Variants in MYO5C observed in about 807,000 individuals in gnomAD.
MYO5C encodes myosin VC.
MYO5C carries 194 observed loss-of-function variants against 235.7 expected under a neutral mutation model. The ratio of observed to expected loss-of-function variants is 0.82; its 90% CI spans 0.73 to 0.93. The LOEUF is 0.93. MYO5C is among the 40% of genes least tolerant of loss of function. MYO5C has a pLI of 0.00. For synonymous variants in MYO5C, 707 were observed against 754.8 expected (o/e 0.94, Z 1.04); for missense variants, 2,038 against 2,127.2 (o/e 0.96, Z 0.82).
Position 52,213,247 on chromosome 15 carries a change from A to G in MYO5C, c.4082T>C (p.Leu1361Pro), listed in dbSNP as rs779732101. ...VHSSSGPKEYLGMLQYKREDE... is the reference protein window; with the variant it reads ...VHSSSGPKEYPGMLQYKREDE... ...TTCTCTCTTGTATTGCAGCATTCCA[A>G]GGTACTCCTTGGGTCCTGAGGACGA... Residue 1361 changes from leucine to proline, a missense_variant, in exon 34 of 41, where the codon CTT becomes CCT. Coordinates refer to ENST00000261839, the MANE Select transcript of MYO5C (RefSeq NM_018728.4). 1.9e-6 allele frequency: 3 copies of G among 1,614,100 alleles called. No homozygotes were observed. The East Asian group carries it at 6.7e-5, about 36-fold the overall frequency.
Position 52,218,632 on chromosome 15 carries a change from T to C in MYO5C, c.3841A>G (p.Lys1281Glu). The change falls in exon 32 of 41, where the codon AAG (lysine) becomes GAG (glutamate). Residue 1281 changes from lysine (K) to glutamate (E), a missense_variant. Physicochemically the swap from Lys to Glu is moderately conservative, Grantham distance 56. Coordinates refer to ENST00000261839, the MANE Select transcript of MYO5C (RefSeq NM_018728.4). The stretch of plus-strand genomic sequence containing the variant: ...CTGGCCTCCTGCATTTCTTGAATCT[T>C]ATCAATCAGCTTCTCCTTCTCTTTG... ...HTKEKEKLID[K>E]IQEMQEASDH... 1 of 1,614,228 alleles carries C rather than the reference T, an allele frequency of 6.2e-7. No individual in the cohort carries two copies. The highest frequency in any genetic ancestry group is 1.1e-5 in the South Asian group (1 of 91,078).
rs751957836 is a variant in MYO5C, at chr15:52,225,439, C to G, written c.3301G>C (p.Glu1101Gln). 6.2e-7 allele frequency: 1 copy of G among 1,607,578 alleles called. No homozygotes were observed. ...HVQSQKREMR[E>Q]KMSEITKQLL... ...ACTAAGAGACTCATATTTTTATTAC[C>G]TCTCATTTCCCGTTTTTGTGACTGC... The change falls in exon 26 of 41, where the codon GAA (glutamate) becomes CAA (glutamine). Residue 1101 changes from glutamate (E) to glutamine (Q), a missense_variant and splice_region_variant. By Grantham distance (29) the Glu-to-Gln change is conservative. Coordinates refer to ENST00000261839, the MANE Select transcript of MYO5C (RefSeq NM_018728.4).
At chr15:52,214,254 C>G (rs914513790) in intron 33 of MYO5C, among the ~76,000 whole-genome samples, 1 of 152,180 alleles carries the variant, frequency 6.6e-6, no homozygotes, top group Non-Finnish European at 1.5e-5. Flanking sequence ...TGGATACTTA[C>G]TGATCCTACA....
At chr15:52,266,742 G>T (rs902352627) in intron 8 of MYO5C, among the ~76,000 whole-genome samples, 1 of 152,296 alleles carries the variant, frequency 6.6e-6, no homozygotes, top group South Asian at 2.1e-4. Flanking sequence ...GACCCACAGC[G>T]TTCATGAGGC....
intron 1 of MYO5C, among the ~76,000 whole-genome samples, chr15:52,289,340 ACAC>A (rs1486908196): frequency 6.6e-6 from 1 of 152,100 alleles, no homozygotes; most frequent in Non-Finnish European, 1.5e-5. Flanking sequence ...CTGGAGCTCT[ACAC>A]CACATTTCCA....
intron 29 of MYO5C, 114 bp downstream of exon 29, chr15:52,223,429 TG>T: frequency 9.8e-7 from 1 of 1,022,208 alleles, no homozygotes; most frequent in Non-Finnish European, 1.4e-6. Flanking sequence ...ATTTCACTTC[TG>T]GAAAAAGTAA....
chr15:52,252,303 C>A (rs1043956119), intron 12 of MYO5C, among the ~76,000 whole-genome samples: 5 of 152,110 alleles, frequency 3.3e-5, no homozygotes, highest in Non-Finnish European at 7.4e-5. Flanking sequence ...AAGACTGGCA[C>A]CTGAATAGAG....
At chr15:52,219,867 C>G in intron 30 of MYO5C, 45 bp from the exon 31 acceptor site, 1 of 1,448,636 alleles carries the variant, frequency 6.9e-7, no homozygotes, top group African/African-American at 1.4e-5. Flanking sequence ...GCACATATCA[C>G]TGCATTCTGA....
intron 1 of MYO5C, among the ~76,000 whole-genome samples, chr15:52,292,018 C>A (rs1044415059): frequency 1.3e-5 from 2 of 152,078 alleles, no homozygotes; most frequent in Admixed American, 6.6e-5. Flanking sequence ...GGATTACAGG[C>A]GTGAGCCACC....
intron 23 of MYO5C, among the ~76,000 whole-genome samples, chr15:52,233,740 AAC>A (rs2036019851): frequency 6.6e-6 from 1 of 152,180 alleles, no homozygotes. Context: ...CCACATTCCC[AAC>A]ACACCCATAT....
At position 52,242,150 on chromosome 15, in the gene MYO5C, G is replaced by A. The variant is rs1289911468; in HGVS notation, c.2454C>T (p.Cys818=). ...ACAGGCTGCGAACAAGATACCCGCG[G>A]CAGTGCTTCTGAATGATTATGGCTG... ...AWAAIIIQKH[C]RGYLVRSLYQ... The change falls in exon 20 of 41, where the codon TGC becomes TGT. Residue 818 remains cysteine, a synonymous_variant. Coordinates refer to ENST00000261839, the MANE Select transcript of MYO5C (RefSeq NM_018728.4). 2 of 1,614,002 alleles carry A rather than the reference G, an allele frequency of 1.2e-6. No individual in the cohort carries two copies. The highest frequency in any genetic ancestry group is 1.3e-5 in the African/African-American group (1 of 74,916).
chr15:52,223,403 A>C (rs2035745771), intron 29 of MYO5C, 141 bp downstream of exon 29: 3 of 757,374 alleles, frequency 4.0e-6, no homozygotes, highest in Non-Finnish European at 4.2e-6. Flanking sequence ...TTATAGTTTA[A>C]TCACCAGACC....
rs75580489 is a variant in MYO5C, at chr15:52,225,554, A to G, written c.3208-22T>C. 4.0e-3 allele frequency: 6,202 copies of G among 1,557,236 alleles called. 151 individuals carry two copies. The Admixed American group carries it at 0.046, about 11-fold the overall frequency. On this transcript the variant is annotated intron_variant, in intron 25 of 40. Transcript: ENST00000261839. ...TTGTCTGAATCACAGCAATGACGGA[A>G]TCAGGTAAAGAAAAAACAACGATTA...
Position 52,295,638 on chromosome 15 carries a change from G to T in MYO5C, c.-2C>A. On this transcript the variant is annotated 5_prime_UTR_variant, in exon 1 of 41. Coordinates refer to ENST00000261839, the MANE Select transcript of MYO5C (RefSeq NM_018728.4). ...CGTGTACAGCTCGGCCACCGCCATG[G>T]GCAGGAGGGGCCGGGGCCAGGCCGG... is the stretch of plus-strand genomic sequence containing the variant. 1 of 1,473,172 alleles carries T rather than the reference G, an allele frequency of 6.8e-7. No individual in the cohort carries two copies. Among genetic ancestry groups the T allele is most frequent in the South Asian group, 1.3e-5 (1 of 75,242 alleles). 91.3% of individuals were successfully genotyped at this position (1,473,172 alleles called of 1,614,324 possible). A position where few individuals can be genotyped will look rare whatever the true frequency, so the allele number is the denominator to read the frequency against.
intron 13 of MYO5C, among the ~76,000 whole-genome samples, chr15:52,248,986 T>C (rs1386112143): frequency 6.6e-6 from 1 of 152,188 alleles, no homozygotes; most frequent in Non-Finnish European, 1.5e-5. Flanking sequence ...CCACCTGGGT[T>C]TCTCACCTGC....
At chr15:52,278,592 C>CAACCA (rs2037098966) in intron 4 of MYO5C, among the ~76,000 whole-genome samples, 1 of 152,018 alleles carries the variant, frequency 6.6e-6, no homozygotes, top group Non-Finnish European at 1.5e-5. Context: ...AACACTCCTC[C>CAACCA]AACCAAACAC....
rs2036677967 is a variant in MYO5C at position 52,260,841 on chromosome 15, G to T, written c.1313+21C>A. ...TCAACATTTAAAGGAGGAAAGACAGGCTCACTGAAGAGAATCTTACCCATA... is the reference window on the plus strand; with the variant it reads ...TCAACATTTAAAGGAGGAAAGACAGTCTCACTGAAGAGAATCTTACCCATA... On this transcript the variant is annotated intron_variant, in intron 10 of 40. Transcript: ENST00000261839. The T allele has an allele frequency of 5.0e-6, 8 of 1,611,016 alleles. No individual in the cohort carries two copies. The East Asian group carries it at 1.8e-4, about 36-fold the overall frequency.
intron 1 of MYO5C, among the ~76,000 whole-genome samples, chr15:52,285,814 C>G (rs1022433985): frequency 6.6e-6 from 1 of 152,202 alleles, no homozygotes; most frequent in African/African-American, 2.4e-5. Flanking sequence ...GATCTCGGCT[C>G]GCTACAACCT....
At chr15:52,239,916 C>A in intron 20 of MYO5C, 37 bp from the exon 21 acceptor site, 1 of 1,580,000 alleles carries the variant, frequency 6.3e-7, no homozygotes. Flanking sequence ...AAACTGGATC[C>A]CAAGTGCTTC....
Sources: allele counts gnomAD v4.1 joint callset (sites outside exome capture counted in the v4.1 genomes callset), GRCh38; gene constraint gnomAD v4.1.1; transcripts MANE v1.5; gene names NCBI Gene and HGNC (gene_info 2026-07-23, HGNC 2026-07-21).